Variants in KCTD16 observed in about 807,000 individuals in gnomAD.
The protein encoded by KCTD16 is potassium channel tetramerization domain containing 16, also known as BTB/POZ domain-containing protein KCTD16.
A neutral mutation model predicts 33.2 loss-of-function variants in KCTD16; 13 were observed. That is an observed-to-expected ratio of 0.39 (90% CI 0.25 to 0.62). KCTD16 has a LOEUF of 0.62. Ranked by LOEUF, KCTD16 falls within the 20% of genes least tolerant of loss-of-function variation. KCTD16 has a pLI of 0.50. For missense variants in KCTD16, 441 were observed against 525.1 expected, an observed-to-expected ratio of 0.84 and a Z score of 1.57; for synonymous variants, 197 against 195.3, an observed-to-expected ratio of 1.01 and a Z score of -0.07.
At chr5:144,212,533 T>C (rs1753429511) in intron 3 of KCTD16, among the ~76,000 whole-genome samples, 2 of 152,164 alleles carry the variant, frequency 1.3e-5, no homozygotes, top group South Asian at 2.1e-4. Context: ...TGAGGTTGTA[T>C]CTAATCAAAG....
chr5:144,468,394 C>G (rs1425246378), intron 3 of KCTD16, among the ~76,000 whole-genome samples: 3 of 152,124 alleles, frequency 2.0e-5, no homozygotes, highest in Admixed American at 2.0e-4. Flanking sequence ...CTGATGGATG[C>G]GTGGCTAGTT....
At position 144,484,729 on chromosome 5, in the gene KCTD16, T is replaced by A. The variant is rs1470104911; in HGVS notation, c.*10615T>A. ...ATTGGGGCCTTGCTCATGTTACTTT[T>A]TCCTGACGTCATTCAAGCACTTGAT... is the stretch of plus-strand genomic sequence containing the variant. On this transcript the variant is annotated 3_prime_UTR_variant, in exon 4 of 4. Transcript: ENST00000512467. 1 of 152,026 alleles carries A rather than the reference T, an allele frequency of 6.6e-6. No individual in the cohort carries two copies. Among genetic ancestry groups the A allele is most frequent in the African/African-American group, 2.4e-5 (1 of 41,438 alleles). 9.4% of individuals were successfully genotyped at this position (152,026 alleles called of 1,614,324 possible). A position where few individuals can be genotyped will look rare whatever the true frequency, so the allele number is the denominator to read the frequency against.
At chr5:144,323,494 G>A (rs923908940) in intron 3 of KCTD16, among the ~76,000 whole-genome samples, 4 of 152,204 alleles carry the variant, frequency 2.6e-5, no homozygotes, top group African/African-American at 9.6e-5. Flanking sequence ...GGGTAGATGT[G>A]TACTAGGTTT....
intron 3 of KCTD16, among the ~76,000 whole-genome samples, chr5:144,291,481 T>A (rs1271030656): frequency 1.3e-5 from 2 of 152,224 alleles, no homozygotes; most frequent in African/African-American, 4.8e-5. Flanking sequence ...TTATGACTTA[T>A]TGAAAGATCT....
intron 3 of KCTD16, among the ~76,000 whole-genome samples, chr5:144,341,627 A>G (rs550453963): frequency 6.6e-6 from 1 of 152,334 alleles, no homozygotes; most frequent in East Asian, 1.9e-4. Context: ...TTGATTTTAA[A>G]AAGTAGAACC....
intron 3 of KCTD16, among the ~76,000 whole-genome samples, chr5:144,261,988 A>G (rs1165493523): frequency 6.6e-6 from 1 of 152,188 alleles, no homozygotes; most frequent in South Asian, 2.1e-4. Flanking sequence ...TGAATACTTC[A>G]TTTGTTGCCA....
intron 3 of KCTD16, among the ~76,000 whole-genome samples, chr5:144,364,068 G>T (rs1460522223): frequency 3.3e-5 from 5 of 152,064 alleles, no homozygotes; most frequent in Admixed American, 1.3e-4. Context: ...TAAGTCCTTT[G>T]TTCTCAGACA....
At chr5:144,409,396 T>G (rs1752881974) in intron 3 of KCTD16, among the ~76,000 whole-genome samples, 1 of 152,160 alleles carries the variant, frequency 6.6e-6, no homozygotes, top group Non-Finnish European at 1.5e-5. Context: ...TAGTTTCTAC[T>G]GACTGAACCT....
chr5:144,250,075 C>T (rs368630639), intron 3 of KCTD16, among the ~76,000 whole-genome samples: 5 of 152,244 alleles, frequency 3.3e-5, no homozygotes, highest in East Asian at 1.9e-4. Context: ...TCTCAGACTC[C>T]GGCTGCTGGC....
chr5:144,352,729 G>T, intron 3 of KCTD16, among the ~76,000 whole-genome samples: 1 of 152,164 alleles, frequency 6.6e-6, no homozygotes, highest in East Asian at 1.9e-4. Flanking sequence ...CAGATCAAAA[G>T]GTGGTGCAAA....
In KCTD16 at chr5:144,474,918, T is replaced by A. The variant is rs1754561912; in HGVS notation, c.*804T>A. On this transcript the variant is annotated 3_prime_UTR_variant, in exon 4 of 4. Coordinates refer to ENST00000512467, the MANE Select transcript of KCTD16 (RefSeq NM_020768.4). ...AGGCTCCATTTTACTGCTTTGCTCT[T>A]TGTCTGCATTAAGAGAGGATGAGGA... 1 of 152,216 alleles carries A rather than the reference T, an allele frequency of 6.6e-6. No homozygotes were observed. The highest frequency in any genetic ancestry group is 6.5e-5 in the Admixed American group (1 of 15,272). The allele number at this position is 152,216 out of a possible 1,614,324, so 9.4% of individuals were successfully genotyped here. A position where few individuals can be genotyped will look rare whatever the true frequency, so the allele number is the denominator to read the frequency against.
intron 3 of KCTD16, among the ~76,000 whole-genome samples, chr5:144,470,141 G>A (rs907198911): frequency 1.2e-4 from 18 of 152,114 alleles, no homozygotes; most frequent in African/African-American, 4.3e-4. Context: ...GTATTTATGA[G>A]ATCGTTATTT....
At position 144,473,819 on chromosome 5, in the gene KCTD16, G is replaced by C; in HGVS notation, c.992G>C (p.Gly331Ala). The C allele has an allele frequency of 6.2e-7, 1 of 1,614,080 alleles. No homozygotes were observed. Among genetic ancestry groups the C allele is most frequent in the South Asian group, 1.1e-5 (1 of 91,068 alleles). ...TCTCCCCAGGAGACGGTCATCTGTGGTCCCGTGACACGCCAGACCAACATC... is the reference window on the plus strand; with the variant it reads ...TCTCCCCAGGAGACGGTCATCTGTGCTCCCGTGACACGCCAGACCAACATC... ...ASSPQETVIC[G>A]PVTRQTNIQT... Residue 331 changes from glycine (G) to alanine (A), a missense_variant, in exon 4 of 4, where the codon GGT becomes GCT. Coordinates refer to ENST00000512467, the MANE Select transcript of KCTD16 (RefSeq NM_020768.4).
chr5:144,484,794 G>A lies in KCTD16; in HGVS notation c.*10680G>A, dbSNP rs1754770315. Reference sequence around the variant, plus strand: ...TGTTGCACATTGATGAATAACAAGTGACACCCAATGAAATTACCTCTTCTC... The same window carrying A: ...TGTTGCACATTGATGAATAACAAGTAACACCCAATGAAATTACCTCTTCTC... On this transcript the variant is annotated 3_prime_UTR_variant, in exon 4 of 4. Transcript: ENST00000512467. 1 of 152,006 alleles carries A rather than the reference G, an allele frequency of 6.6e-6. No individual in the cohort carries two copies. Among genetic ancestry groups the A allele is most frequent in the Non-Finnish European group, 1.5e-5 (1 of 67,948 alleles). 9.4% of individuals were successfully genotyped at this position (152,006 alleles called of 1,614,324 possible). A position where few individuals can be genotyped will look rare whatever the true frequency, so the allele number is the denominator to read the frequency against.
chr5:144,217,949 CAGTT>C (rs1274098194), intron 3 of KCTD16, among the ~76,000 whole-genome samples: 1 of 152,120 alleles, frequency 6.6e-6, no homozygotes, highest in Non-Finnish European at 1.5e-5. Flanking sequence ...GGTCTAGCCT[CAGTT>C]AGTTGCTGAG....
chr5:144,463,414 C>T (rs1466104514), intron 3 of KCTD16, among the ~76,000 whole-genome samples: 1 of 152,182 alleles, frequency 6.6e-6, no homozygotes, highest in Non-Finnish European at 1.5e-5. Flanking sequence ...CTTCTAAAAA[C>T]TTATTATTCA....
chr5:144,365,649 G>A (rs1049027155), intron 3 of KCTD16, among the ~76,000 whole-genome samples: 5 of 152,196 alleles, frequency 3.3e-5, no homozygotes, highest in African/African-American at 9.6e-5. Context: ...TAATGGCAAA[G>A]GCAGTGGGAT....
intron 3 of KCTD16, among the ~76,000 whole-genome samples, chr5:144,286,447 T>C (rs1755748246): frequency 6.6e-6 from 1 of 152,208 alleles, no homozygotes; most frequent in South Asian, 2.1e-4. Context: ...ACAAATAATA[T>C]ATACTTCTAC....
intron 3 of KCTD16, chr5:144,439,232 G>T: frequency 4.5e-6 from 1 of 224,562 alleles, no homozygotes. Context: ...TTTACTATTT[G>T]GAGAAATACA....
Sources: gnomAD v4.1 joint callset for allele counts (sites outside exome capture counted in the v4.1 genomes callset) on GRCh38, gnomAD v4.1.1 for gene constraint, MANE v1.5 for transcripts, NCBI Gene and HGNC (gene_info 2026-07-23, HGNC 2026-07-21) for gene names.